The following ROBO2 variants were observed in gnomAD, a reference collection of about 807,000 sequenced individuals.
ROBO2 encodes the protein roundabout homolog 2.
In ROBO2, 53 loss-of-function variants were observed where a neutral mutation model predicts 160.8. The observed-to-expected ratio is 0.33, with a 90% CI of 0.26 to 0.41. ROBO2 has a LOEUF of 0.41. Ranked by LOEUF, ROBO2 falls within the 10% of genes least tolerant of loss-of-function variation. The pLI is 1.00. For synonymous variants in ROBO2, 664 were observed against 611.7 expected (o/e 1.09, Z -1.26); for missense variants, 1,577 against 1,722.4 (o/e 0.92, Z 1.49).
chr3:77,621,687 T>C (rs886239510), intron 22 of ROBO2, among the ~76,000 whole-genome samples: 1 of 151,956 alleles, frequency 6.6e-6, no homozygotes, highest in African/African-American at 2.4e-5. Context: ...ATAGTGAAAG[T>C]GGAAATAGCC....
At chr3:77,010,270 T>C (rs571798742) in intron 2 of ROBO2, among the ~76,000 whole-genome samples, 11 of 152,136 alleles carry the variant, frequency 7.2e-5, no homozygotes, top group Non-Finnish European at 1.6e-4. Flanking sequence ...TCATTCTCTC[T>C]ACCTACCACC....
intron 2 of ROBO2, among the ~76,000 whole-genome samples, chr3:76,500,088 G>T (rs530775869): frequency 6.6e-6 from 1 of 152,150 alleles, no homozygotes; most frequent in South Asian, 2.1e-4. Context: ...AACTTGGGGT[G>T]GTGGGGGGAC....
intron 1 of ROBO2, among the ~76,000 whole-genome samples, chr3:75,921,508 T>C (rs1417158108): frequency 3.3e-5 from 5 of 152,132 alleles, no homozygotes; most frequent in Non-Finnish European, 5.9e-5. Context: ...CTATTTGTAT[T>C]GTTATTGTTC....
chr3:77,642,696 G>A (rs534571700), intron 24 of ROBO2: 32 of 456,316 alleles, frequency 7.0e-5, no homozygotes, highest in Non-Finnish European at 1.0e-4. Context: ...CAGATCCCCC[G>A]CCAGGTCAGG....
At chr3:76,005,235 G>A (rs1460534914) in intron 2 of ROBO2, among the ~76,000 whole-genome samples, 1 of 152,124 alleles carries the variant, frequency 6.6e-6, no homozygotes, top group African/African-American at 2.4e-5. Flanking sequence ...ATATTAGTAA[G>A]AAATTAAACA....
chr3:77,102,102 A>C lies in ROBO2; in HGVS notation c.388+3762A>C, dbSNP rs141479671. On this transcript the variant is annotated intron_variant, in intron 2 of 25. Coordinates refer to ENST00000461745, the Ensembl canonical transcript of ROBO2. ...ACGATGCAAATCCCAAATGATGATC[A>C]AATAAACAGTACCTGTGGGCTCCAG... Among the ~76,000 whole-genome samples the C allele has an allele frequency of 4.9e-4, 75 of 152,316 alleles. No individual in the cohort carries two copies. In the East Asian group the frequency reaches 0.014, roughly 29 times the overall value.
At chr3:77,312,897 CA>C (rs1478395142) in intron 2 of ROBO2, among the ~76,000 whole-genome samples, 2 of 152,110 alleles carry the variant, frequency 1.3e-5, no homozygotes, top group Admixed American at 1.3e-4. Context: ...TAATTATCAC[CA>C]AATCTAAAAA....
At chr3:76,149,544 C>T (rs2072064183) in intron 2 of ROBO2, among the ~76,000 whole-genome samples, 1 of 137,116 alleles carries the variant, frequency 7.3e-6, no homozygotes, top group Non-Finnish European at 1.7e-5. Context: ...CTAAAGCACA[C>T]ATCTGTCTAA....
In ROBO2 at chr3:76,014,116, G is replaced by A. The variant is rs1344386030; in HGVS notation, c.109+76514G>A. Among the ~76,000 whole-genome samples the A allele has an allele frequency of 5.3e-5, 8 of 150,090 alleles. No homozygotes were observed. The South Asian group carries it at 1.3e-3, about 24-fold the overall frequency. On this transcript the variant is annotated intron_variant, in intron 2 of 26. Coordinates refer to the ROBO2 transcript ENST00000487694. ...TATGTATAAAGGCAATTGGCAGCTGGGTACAGTGGCTTATGCGTGTAATCC... is the reference window on the plus strand; with the variant it reads ...TATGTATAAAGGCAATTGGCAGCTGAGTACAGTGGCTTATGCGTGTAATCC...
chr3:77,485,397 TTCCTGTA>T (rs2085227412), intron 4 of ROBO2, among the ~76,000 whole-genome samples: 1 of 152,138 alleles, frequency 6.6e-6, no homozygotes, highest in Admixed American at 6.6e-5. Flanking sequence ...GTGATTCTGA[TTCCTGTA>T]TCCTGTATCT....
At chr3:77,565,082 G>A (rs1355881057) in exon 12 of ROBO2, 1 of 1,613,668 alleles carries the variant, frequency 6.2e-7, no homozygotes, top group South Asian at 1.1e-5. Flanking sequence ...CAAGGTCTCA[G>A]TGACCCAAGT....
chr3:75,942,253 A>G (rs62269824), intron 2 of ROBO2, among the ~76,000 whole-genome samples: 1 of 152,072 alleles, frequency 6.6e-6, no homozygotes, highest in Non-Finnish European at 1.5e-5. Flanking sequence ...CCTAGAGTTT[A>G]TGTTTTGTGA....
intron 2 of ROBO2, among the ~76,000 whole-genome samples, chr3:76,449,119 C>G (rs2077344797): frequency 6.6e-6 from 1 of 152,008 alleles, no homozygotes; most frequent in Non-Finnish European, 1.5e-5. Flanking sequence ...ACAGGGTTCT[C>G]CAAAACGTAT....
intron 1 of ROBO2, among the ~76,000 whole-genome samples, chr3:77,071,668 A>G (rs2067429594): frequency 2.6e-5 from 4 of 152,238 alleles, no homozygotes; most frequent in Middle Eastern, 3.4e-3. Flanking sequence ...TTGTGTGTGT[A>G]GATTCTGTCT....
chr3:76,444,002 G>A (rs983656893), intron 2 of ROBO2, among the ~76,000 whole-genome samples: 8 of 152,010 alleles, frequency 5.3e-5, no homozygotes, highest in Non-Finnish European at 1.0e-4. Context: ...GTCTTGCTCT[G>A]TCCCCCAAGC....
intron 2 of ROBO2, among the ~76,000 whole-genome samples, chr3:76,539,553 T>G (rs757109477): frequency 6.6e-6 from 1 of 152,162 alleles, no homozygotes; most frequent in East Asian, 1.9e-4. Flanking sequence ...GTTTAAATAT[T>G]TAAACCATTG....
intron 2 of ROBO2, among the ~76,000 whole-genome samples, chr3:76,216,309 A>C (rs922087033): frequency 6.6e-6 from 1 of 152,208 alleles, no homozygotes; most frequent in Non-Finnish European, 1.5e-5. Context: ...CACACATAAC[A>C]ATACTAACCT....
chr3:76,874,385 T>A (rs1210876720), intron 2 of ROBO2, among the ~76,000 whole-genome samples: 1 of 152,184 alleles, frequency 6.6e-6, no homozygotes, highest in Non-Finnish European at 1.5e-5. Flanking sequence ...TATTCATTAT[T>A]GCCCAAAAAT....
intron 2 of ROBO2, among the ~76,000 whole-genome samples, chr3:76,085,840 CT>C: frequency 6.6e-6 from 1 of 152,276 alleles, no homozygotes; most frequent in South Asian, 2.1e-4. Flanking sequence ...GGCCCCCACA[CT>C]TTTGTGCATT....
Sources: gnomAD v4.1 joint callset for allele counts (sites outside exome capture counted in the v4.1 genomes callset) on GRCh38, gnomAD v4.1.1 for gene constraint, MANE v1.5 for transcripts, NCBI Gene and HGNC (gene_info 2026-07-23, HGNC 2026-07-21) for gene names.